DIS3L: variants seen among roughly 807,000 people sequenced by gnomAD.
The protein encoded by DIS3L is DIS3-like exonuclease 1.
A neutral mutation model predicts 120.3 loss-of-function variants in DIS3L; 100 were observed. The ratio of observed to expected loss-of-function variants is 0.83; its 90% CI spans 0.71 to 0.98. The LOEUF is 0.98. Among genes scored for constraint, DIS3L ranks in the 50% least tolerant of loss-of-function variants. The pLI, the probability that DIS3L is intolerant of heterozygous loss-of-function variation, is 0.00. For missense variants in DIS3L, 1,196 were observed against 1,314.2 expected, an observed-to-expected ratio of 0.91 and a Z score of 1.39; for synonymous variants, 426 against 470.6, an observed-to-expected ratio of 0.91 and a Z score of 1.23.
At chr15:66,328,009 G>T (rs979636842) in intron 12 of DIS3L, among the ~76,000 whole-genome samples, 1 of 152,204 alleles carries the variant, frequency 6.6e-6, no homozygotes, top group South Asian at 2.1e-4. Context: ...CCAAGATTGT[G>T]CCACTACACT....
chr15:66,311,046 C>T (rs565183855), intron 4 of DIS3L, among the ~76,000 whole-genome samples: 8 of 95,192 alleles, frequency 8.4e-5, no homozygotes, highest in Admixed American at 4.2e-4. Flanking sequence ...AAGACCCTGT[C>T]CCTTAAAAAA....
chr15:66,309,094 A>AAAAAAAAAAAAAATATATATATAT, intron 4 of DIS3L, among the ~76,000 whole-genome samples: 3 of 15,316 alleles, frequency 2.0e-4, no homozygotes, highest in East Asian at 5.1e-3. Flanking sequence ...AAAAAAAAAA[A>AAAAAAAAAAAAAATATATATATAT]ATATATATAT....
intron 11 of DIS3L, 52 bp from the exon 12 acceptor site, chr15:66,325,779 A>G: frequency 6.5e-7 from 1 of 1,539,726 alleles, no homozygotes; most frequent in South Asian, 1.3e-5. Context: ...AAAAAACAAA[A>G]AAAGCCAGAT....
intron 7 of DIS3L, among the ~76,000 whole-genome samples, chr15:66,316,516 C>T (rs1205095265): frequency 6.6e-6 from 1 of 152,078 alleles, no homozygotes; most frequent in African/African-American, 2.4e-5. Context: ...ACACAATGAT[C>T]CTTCAGAAAG....
rs1566942345 is a variant in DIS3L at position 66,309,099 on chromosome 15, A to ATATATATATATATATATC, written c.558+260_558+261insATATATATATATCTATAT. Among the ~76,000 whole-genome samples the ATATATATATATATATATC allele has an allele frequency of 2.1e-4, 24 of 113,698 alleles. 3 individuals carry two copies. The highest frequency in any genetic ancestry group is 7.3e-4 in the African/African-American group (23 of 31,706). The allele number at this position is 113,698 out of a possible 152,430, so 74.6% of individuals were successfully genotyped here. A position where few individuals can be genotyped will look rare whatever the true frequency, so the allele number is the denominator to read the frequency against. The stretch of plus-strand genomic sequence containing the variant: ...CTCTACAGAAAAAAAAAAAAAATAT[A>ATATATATATATATATATC]TATATCTCCAAGCATGGTGGCACGC... On this transcript the variant is annotated intron_variant, in intron 4 of 16. Transcript: ENST00000319212.
chr15:66,322,979 G>A, intron 10 of DIS3L, 45 bp downstream of exon 10: 1 of 1,601,724 alleles, frequency 6.2e-7, no homozygotes, highest in South Asian at 1.1e-5. Flanking sequence ...GTATGTGACT[G>A]GATATTTTGT....
In DIS3L at chr15:66,327,568, T is replaced by C. The variant is rs1022684741; in HGVS notation, c.2201+1204T>C. ...GTCAGGAGATCGAGACCATTCTGGC[T>C]AACACGGTGAAACCCCATCTCCACT... On this transcript the variant is annotated intron_variant, in intron 12 of 16. Transcript: ENST00000319212. Among the ~76,000 whole-genome samples, 4 of 151,524 alleles carry C rather than the reference T, an allele frequency of 2.6e-5. No homozygotes were observed. In the East Asian group the frequency reaches 7.8e-4, roughly 30 times the overall value.
intron 14 of DIS3L, among the ~76,000 whole-genome samples, chr15:66,331,052 G>C (rs930671772): frequency 2.6e-5 from 4 of 152,124 alleles, no homozygotes; most frequent in Non-Finnish European, 5.9e-5. Flanking sequence ...CTAATCGGGC[G>C]GCTGAGGCAG....
intron 15 of DIS3L, 133 bp downstream of exon 15, chr15:66,332,153 T>G: frequency 1.0e-6 from 1 of 955,644 alleles, no homozygotes; most frequent in Non-Finnish European, 1.4e-6. Context: ...AATGTATAAT[T>G]CAGTATATAA....
Position 66,332,096 on chromosome 15 carries a change from AATTT to A in DIS3L, c.2681+80_2681+83del, listed in dbSNP as rs754191098. 7.8e-5 allele frequency: 105 copies of A among 1,341,540 alleles called. No individual in the cohort carries two copies. The Middle Eastern group carries it at 6.0e-3, about 77-fold the overall frequency. The allele number at this position is 1,341,540 out of a possible 1,614,324, so 83.1% of individuals were successfully genotyped here. On this transcript the variant is annotated intron_variant, in intron 15 of 16. Coordinates refer to ENST00000319212, the MANE Select transcript of DIS3L (RefSeq NM_001143688.3). ...AGAACACAAACTGTACATTAGATAT[AATTT>A]ATTAAAATATTTAAGCAACTAGTTA...
intron 2 of DIS3L, among the ~76,000 whole-genome samples, chr15:66,303,553 G>A (rs1546571): frequency 0.12 from 18,518 of 152,166 alleles, 1,234 homozygotes; most frequent in Non-Finnish European, 0.15. Context: ...AATAACTACA[G>A]TAAGTTCAGA....
rs1453402585 is a variant in DIS3L, at chr15:66,318,613, C to T, written c.1159C>T (p.Leu387Phe). 1 of 1,613,690 alleles carries T rather than the reference C, an allele frequency of 6.2e-7. No individual in the cohort carries two copies. Among genetic ancestry groups the T allele is most frequent in the Non-Finnish European group, 8.5e-7 (1 of 1,179,894 alleles). The change falls in exon 8 of 17, where the codon CTC becomes TTC. Residue 387 changes from leucine (L) to phenylalanine (F), a missense_variant. By Grantham distance (22) the Leu-to-Phe change is conservative. Transcript: ENST00000319212. ...IRISTQQAET[L>F]QDFRVVVRID... ...AATTAGCACTCAGCAAGCAGAAACC[C>T]TCCAGGTAGTTGGCATTCTACCTCT...
In DIS3L at chr15:66,311,745, C is replaced by T; in HGVS notation, c.580C>T (p.Pro194Ser). The change falls in exon 5 of 17, where the codon CCT becomes TCT. Residue 194 changes from proline to serine, a missense_variant. Coordinates refer to ENST00000319212, the MANE Select transcript of DIS3L (RefSeq NM_001143688.3). Reference protein sequence around the residue: ...TFKNYLDNFWPDLKAAHELCD... With the variant: ...TFKNYLDNFWSDLKAAHELCD... The stretch of plus-strand genomic sequence containing the variant: ...ACAGAATTACCTGGACAATTTCTGG[C>T]CTGATTTAAAAGCTGCCCACGAGCT... The T allele has an allele frequency of 6.2e-7, 1 of 1,614,070 alleles. No homozygotes were observed. The highest frequency in any genetic ancestry group is 8.5e-7 in the Non-Finnish European group (1 of 1,179,994).
At chr15:66,300,839 C>T (rs1446955472) in intron 2 of DIS3L, among the ~76,000 whole-genome samples, 1 of 152,160 alleles carries the variant, frequency 6.6e-6, no homozygotes, top group Non-Finnish European at 1.5e-5. Context: ...AATGGCAGTG[C>T]AGTTAGAAGG....
At chr15:66,323,991 G>C (rs1010161328) in intron 11 of DIS3L, among the ~76,000 whole-genome samples, 3 of 152,102 alleles carry the variant, frequency 2.0e-5, no homozygotes, top group African/African-American at 7.2e-5. Flanking sequence ...GTTTCTCTTT[G>C]AATAGCTAAT....
intron 4 of DIS3L, among the ~76,000 whole-genome samples, chr15:66,309,094 A>AAAAAATATATATATATATATATATATAT: frequency 5.9e-4 from 9 of 15,290 alleles, no homozygotes; most frequent in African/African-American, 9.8e-4. Context: ...AAAAAAAAAA[A>AAAAAATATATATATATATATATATATAT]ATATATATAT....
At chr15:66,315,938 A>C (rs1053161012) in intron 7 of DIS3L, among the ~76,000 whole-genome samples, 2 of 152,108 alleles carry the variant, frequency 1.3e-5, no homozygotes, top group Non-Finnish European at 2.9e-5. Flanking sequence ...GTCTCCTCCC[A>C]GTTCTCCCAC....
intron 15 of DIS3L, 56 bp from the exon 16 acceptor site, chr15:66,332,680 A>C: frequency 2.0e-6 from 3 of 1,468,342 alleles, no homozygotes; most frequent in Non-Finnish European, 2.8e-6. Flanking sequence ...TAAGCATACA[A>C]GATCTGTGTA....
intron 2 of DIS3L, among the ~76,000 whole-genome samples, chr15:66,301,685 G>T (rs1476343758): frequency 1.3e-5 from 2 of 152,064 alleles, no homozygotes; most frequent in African/African-American, 4.8e-5. Context: ...CATCTATCTG[G>T]TCCCATCATA....
Sources: allele counts gnomAD v4.1 joint callset (sites outside exome capture counted in the v4.1 genomes callset), GRCh38; gene constraint gnomAD v4.1.1; transcripts MANE v1.5; gene names NCBI Gene and HGNC (gene_info 2026-07-23, HGNC 2026-07-21).